The following PLEKHA6 variants were observed in gnomAD, a reference collection of about 807,000 sequenced individuals.
PLEKHA6 encodes the protein pleckstrin homology domain-containing family A member 6.
Under a neutral mutation model 116.7 loss-of-function variants are expected in PLEKHA6, and 60 were observed. The observed-to-expected ratio is 0.51, with a 90% CI of 0.42 to 0.64. The LOEUF (loss-of-function observed/expected upper bound fraction) is 0.64. PLEKHA6 is among the 30% of genes least tolerant of loss of function. The pLI is 0.00. For missense variants in PLEKHA6, 1,338 were observed against 1,422.7 expected, an observed-to-expected ratio of 0.94 and a Z score of 0.96; for synonymous variants, 489 against 556.1, an observed-to-expected ratio of 0.88 and a Z score of 1.70.
At position 204,257,149 on chromosome 1, in the gene PLEKHA6, G is replaced by C. The variant is rs1160631328; in HGVS notation, c.1524+204C>G. The stretch of plus-strand genomic sequence containing the variant: ...CAGAAAGCAATGTCCCCACTCAAGA[G>C]GCAAAGCCATCCCCAAGACAGCTCT... On this transcript the variant is annotated intron_variant, in intron 9 of 22. Coordinates refer to ENST00000272203, the MANE Select transcript of PLEKHA6 (RefSeq NM_014935.5). This position sits in a 1 kb window ranked among gnomAD's most constrained non-coding sequence, Gnocchi z 6.5. Among the ~76,000 whole-genome samples, 1 of 152,224 alleles carries C rather than the reference G, an allele frequency of 6.6e-6. No individual in the cohort carries two copies.
chr1:204,344,936 C>T (rs949481093), intron 1 of PLEKHA6, among the ~76,000 whole-genome samples: 1 of 152,126 alleles, frequency 6.6e-6, no homozygotes, highest in African/African-American at 2.4e-5. Flanking sequence ...CCAGAGTTCC[C>T]GCACCTCATT....
At chr1:204,263,180 G>C (rs1045306161) in intron 6 of PLEKHA6, among the ~76,000 whole-genome samples, 1 of 152,218 alleles carries the variant, frequency 6.6e-6, no homozygotes, top group African/African-American at 2.4e-5. Context: ...GACAAGTGCT[G>C]TGACAGGAGA....
chr1:204,268,422 G>A, intron 3 of PLEKHA6, 110 bp from the exon 4 acceptor site: 1 of 572,040 alleles, frequency 1.7e-6, no homozygotes, highest in Non-Finnish European at 2.9e-6. Context: ...TAACCCTGGG[G>A]TGCCCTCACA....
Position 204,261,985 on chromosome 1 carries a change from T to C in PLEKHA6, c.382-537A>G, listed in dbSNP as rs1324772301. On this transcript the variant is annotated intron_variant, in intron 6 of 22. Transcript: ENST00000272203. This position sits in a 1 kb window ranked among gnomAD's most constrained non-coding sequence, Gnocchi z 4.0. ...CTAGTTGGTGGCTGCGAGCAGGTACTGCGGGCGGGAACCCAGAAGAGAGCT... is the reference window on the plus strand; with the variant it reads ...CTAGTTGGTGGCTGCGAGCAGGTACCGCGGGCGGGAACCCAGAAGAGAGCT... 6 of 158,340 alleles carry C rather than the reference T, an allele frequency of 3.8e-5. No individual in the cohort carries two copies. Among genetic ancestry groups the C allele is most frequent in the Non-Finnish European group, 5.5e-5 (4 of 72,338 alleles). 9.8% of individuals were successfully genotyped at this position (158,340 alleles called of 1,614,324 possible).
intron 1 of PLEKHA6, among the ~76,000 whole-genome samples, chr1:204,297,411 C>T (rs1319916179): frequency 6.6e-6 from 1 of 152,194 alleles, no homozygotes; most frequent in African/African-American, 2.4e-5. Flanking sequence ...AGGTCGCTGT[C>T]CTGGGGGAGT....
At position 204,228,021 on chromosome 1, in the gene PLEKHA6, C is replaced by T. The variant is rs1660605900; in HGVS notation, c.3031+62G>A. 6.5e-7 allele frequency: 1 copy of T among 1,548,050 alleles called. No homozygotes were observed. On this transcript the variant is annotated intron_variant, in intron 21 of 22. Transcript: ENST00000272203. The surrounding 1 kb of genome is among the most constrained non-coding windows in gnomAD (Gnocchi z 4.0). Reference sequence around the variant, plus strand: ...CCCCCTTGTAGCAGTGCCACGCTTCCTCCCTTAAACCTGGTCAGCTGGTTT... The same window carrying T: ...CCCCCTTGTAGCAGTGCCACGCTTCTTCCCTTAAACCTGGTCAGCTGGTTT...
chr1:204,331,289 A>G (rs1390850126), intron 1 of PLEKHA6, among the ~76,000 whole-genome samples: 1 of 151,982 alleles, frequency 6.6e-6, no homozygotes, highest in East Asian at 1.9e-4. Context: ...TTCTGCCTGC[A>G]TTAGGTAGGT....
intron 1 of PLEKHA6, among the ~76,000 whole-genome samples, chr1:204,300,550 G>A (rs1160401829): frequency 6.6e-6 from 1 of 152,182 alleles, no homozygotes; most frequent in Non-Finnish European, 1.5e-5. Context: ...TGGGATCCCA[G>A]AAGTCAATGT....
At chr1:204,313,390 A>G (rs1165226318) in intron 1 of PLEKHA6, 1 of 166,982 alleles carries the variant, frequency 6.0e-6, no homozygotes, top group Non-Finnish European at 1.2e-5. Flanking sequence ...GTTGTCCTCC[A>G]CTCCAGGATG....
Position 204,257,548 on chromosome 1 carries a change from G to C in PLEKHA6, c.1329C>G (p.Ser443=). The C allele has an allele frequency of 6.3e-7, 1 of 1,597,694 alleles. No individual in the cohort carries two copies. The highest frequency in any genetic ancestry group is 8.5e-7 in the Non-Finnish European group (1 of 1,171,192). The change falls in exon 9 of 23, where the codon TCC becomes TCG. Residue 443 remains serine, a synonymous_variant. Transcript: ENST00000272203. The surrounding 1 kb of genome is among the most constrained non-coding windows in gnomAD (Gnocchi z 6.5). ...YYDELDAASS[S]LRRLSLQPRS... ...GGGGCTGCAGGGACAGGCGGCGCAG[G>C]GAGCTAGAGGCGGCATCCAGCTCAT... is the stretch of plus-strand genomic sequence containing the variant.
chr1:204,274,949 T>C (rs1438621221), intron 1 of PLEKHA6, 140 bp from the exon 2 acceptor site: 4 of 566,034 alleles, frequency 7.1e-6, no homozygotes, highest in Non-Finnish European at 8.0e-6. Context: ...GGGGGATCCA[T>C]GGGAGGCCTG....
intron 1 of PLEKHA6, chr1:204,311,702 AT>A: frequency 1.0e-6 from 1 of 955,436 alleles, no homozygotes; most frequent in Non-Finnish European, 1.2e-6. Context: ...GCTCAAAAAT[AT>A]TTATTGAATG....
intron 1 of PLEKHA6, among the ~76,000 whole-genome samples, chr1:204,334,102 C>T (rs1295800777): frequency 6.6e-6 from 1 of 152,100 alleles, no homozygotes; most frequent in East Asian, 1.9e-4. Flanking sequence ...GGGGGAAGTC[C>T]TGGGATGGGA....
At position 204,228,573 on chromosome 1, in the gene PLEKHA6, C is replaced by T. The variant is rs564359359; in HGVS notation, c.2885+155G>A. On this transcript the variant is annotated intron_variant, in intron 20 of 22. Transcript: ENST00000272203. This position sits in a 1 kb window ranked among gnomAD's most constrained non-coding sequence, Gnocchi z 4.0. ...TAGCACCTGACAGCAGCATCCTTGC[C>T]TCTGCCGGTAGCTGGGCCCTGTCTG... 2.6e-5 allele frequency among the ~76,000 whole-genome samples: 4 copies of T among 152,204 alleles called. No individual in the cohort carries two copies. In the South Asian group the frequency reaches 8.3e-4, roughly 32 times the overall value.
chr1:204,225,956 C>T (rs956802756), intron 21 of PLEKHA6, among the ~76,000 whole-genome samples: 12 of 152,200 alleles, frequency 7.9e-5, no homozygotes, highest in Non-Finnish European at 1.5e-4. Flanking sequence ...CTGCACGCAC[C>T]GGGTGGATTT....
At chr1:204,357,362 G>T (rs1673443303) in intron 1 of PLEKHA6, among the ~76,000 whole-genome samples, 1 of 152,198 alleles carries the variant, frequency 6.6e-6, no homozygotes, top group Admixed American at 6.5e-5. Context: ...TGCTGAGCAG[G>T]AGCCCCCTGA....
intron 10 of PLEKHA6, 42 bp from the exon 11 acceptor site, chr1:204,249,306 G>C (rs1425733162): frequency 1.4e-6 from 2 of 1,380,604 alleles, no homozygotes; most frequent in Admixed American, 3.4e-5. Context: ...AGAAAGAAGG[G>C]GATGAAGGAC....
At chr1:204,288,805 A>G (rs1669459758) in intron 1 of PLEKHA6, among the ~76,000 whole-genome samples, 1 of 152,210 alleles carries the variant, frequency 6.6e-6, no homozygotes, top group African/African-American at 2.4e-5. Context: ...GAGCAGCACT[A>G]GGAATTGTAA....
chr1:204,361,455 G>A (rs919052699), upstream of PLEKHA6, among the ~76,000 whole-genome samples: 8 of 152,342 alleles, frequency 5.3e-5, no homozygotes, highest in African/African-American at 1.7e-4. Context: ...GGAAGACAGG[G>A]ACCTAGAGAG....
Sources: gnomAD v4.1 joint callset for allele counts (sites outside exome capture counted in the v4.1 genomes callset) on GRCh38, gnomAD v4.1.1 for gene constraint, Gnocchi (gnomAD v3.1) non-coding constraint, MANE v1.5 for transcripts, NCBI Gene and HGNC (gene_info 2026-07-23, HGNC 2026-07-21) for gene names.